ADAMTSL3: variants seen among roughly 807,000 people sequenced by gnomAD.
The protein encoded by ADAMTSL3 is ADAMTS-like protein 3.
ADAMTSL3 carries 128 observed loss-of-function variants against 201.7 expected under a neutral mutation model. The observed-to-expected ratio is 0.63, with a 90% confidence interval of 0.55 to 0.73. ADAMTSL3 has a LOEUF of 0.73. ADAMTSL3 is among the 30% of genes least tolerant of loss of function. The pLI, the probability that ADAMTSL3 is intolerant of heterozygous loss-of-function variation, is 0.00. For missense variants in ADAMTSL3, 1,990 were observed against 2,119.6 expected, an observed-to-expected ratio of 0.94 and a Z score of 1.20; for synonymous variants, 738 against 748.4, an observed-to-expected ratio of 0.99 and a Z score of 0.23.
At chr15:83,699,813 G>T (rs1281643529) in intron 2 of ADAMTSL3, among the ~76,000 whole-genome samples, 1 of 151,974 alleles carries the variant, frequency 6.6e-6, no homozygotes, top group East Asian at 1.9e-4. Flanking sequence ...TCCATAACTG[G>T]CTCCTCCTGT....
chr15:83,916,702 T>G (rs2066038894), intron 16 of ADAMTSL3, among the ~76,000 whole-genome samples: 1 of 152,010 alleles, frequency 6.6e-6, no homozygotes, highest in South Asian at 2.1e-4. Context: ...TTCCAGACCT[T>G]TGGGAGGCTG....
chr15:83,805,566 A>AAT (rs1555446304), intron 5 of ADAMTSL3, among the ~76,000 whole-genome samples: 1 of 151,740 alleles, frequency 6.6e-6, no homozygotes, highest in African/African-American at 2.4e-5. Context: ...CAAAAAAAAA[A>AAT]AAATAAATAA....
At chr15:83,718,210 G>A (rs1325804035) in intron 3 of ADAMTSL3, among the ~76,000 whole-genome samples, 2 of 152,110 alleles carry the variant, frequency 1.3e-5, no homozygotes, top group Non-Finnish European at 2.9e-5. Flanking sequence ...CCAGGTCATG[G>A]TCTCTCAACA....
intron 2 of ADAMTSL3, among the ~76,000 whole-genome samples, chr15:83,697,822 G>A (rs910544604): frequency 6.6e-6 from 1 of 152,056 alleles, no homozygotes; most frequent in Non-Finnish European, 1.5e-5. Context: ...TCAACTTTCA[G>A]CACCTCTCCC....
chr15:83,942,673 A>C lies in ADAMTSL3; in HGVS notation c.2195A>C (p.His732Pro). The change falls in exon 18 of 30, where the codon CAC becomes CCC. Residue 732 changes from histidine (H) to proline (P), a missense_variant. Transcript: ENST00000286744. The part of the protein sequence containing the change: ...GIQTRDVYCL[H>P]PGETPAPPEE... Reference sequence around the variant, plus strand: ...CAGACCCGAGATGTGTACTGCCTGCACCCAGGGGAGACCCCTGCCCCTCCT... The same window carrying C: ...CAGACCCGAGATGTGTACTGCCTGCCCCCAGGGGAGACCCCTGCCCCTCCT... 2 of 1,614,082 alleles carry C rather than the reference A, an allele frequency of 1.2e-6. No individual in the cohort carries two copies. Among genetic ancestry groups the C allele is most frequent in the Non-Finnish European group, 1.7e-6 (2 of 1,179,986 alleles).
chr15:83,665,289 C>T (rs779526249), intron 2 of ADAMTSL3, among the ~76,000 whole-genome samples: 3 of 152,056 alleles, frequency 2.0e-5, no homozygotes, highest in Non-Finnish European at 2.9e-5. Context: ...TGGAAATTCA[C>T]CCTGATCTTG....
At chr15:83,986,601 T>C (rs534955140) in intron 21 of ADAMTSL3, among the ~76,000 whole-genome samples, 85 of 152,258 alleles carry the variant, frequency 5.6e-4, no homozygotes, top group Non-Finnish European at 1.1e-3. Flanking sequence ...GTTCAATTTA[T>C]GTTTAATTCC....
chr15:83,842,677 C>T (rs571668518), intron 7 of ADAMTSL3, among the ~76,000 whole-genome samples: 4 of 152,214 alleles, frequency 2.6e-5, no homozygotes, highest in South Asian at 2.1e-4. Context: ...TGGAGGAAAA[C>T]GTTGAAAGTG....
intron 20 of ADAMTSL3, among the ~76,000 whole-genome samples, chr15:83,980,311 C>T (rs1016205053): frequency 6.6e-6 from 1 of 152,146 alleles, no homozygotes; most frequent in South Asian, 2.1e-4. Flanking sequence ...CCTCCAAGAC[C>T]CTATTCCAGT....
chr15:83,964,465 G>A (rs1041016554), intron 19 of ADAMTSL3, among the ~76,000 whole-genome samples: 13 of 151,886 alleles, frequency 8.6e-5, no homozygotes, highest in South Asian at 2.1e-4. Flanking sequence ...ATGAAGAGAA[G>A]ATTAGAGAAA....
Position 84,037,681 on chromosome 15 carries a change from A to G in ADAMTSL3, c.4970-19A>G. 1 of 1,581,488 alleles carries G rather than the reference A, an allele frequency of 6.3e-7. No homozygotes were observed. The highest frequency in any genetic ancestry group is 8.6e-7 in the Non-Finnish European group (1 of 1,168,498). On this transcript the variant is annotated intron_variant, in intron 29 of 29. Coordinates refer to ENST00000286744, the MANE Select transcript of ADAMTSL3 (RefSeq NM_207517.3). Reference sequence around the variant, plus strand: ...CTCTAATAAGCTATATGTTACAGATATTTGTTTCTTTTTTGCAGGAGACTG... The same window carrying G: ...CTCTAATAAGCTATATGTTACAGATGTTTGTTTCTTTTTTGCAGGAGACTG...
intron 4 of ADAMTSL3, 74 bp downstream of exon 4, chr15:83,773,724 C>T (rs927695217): frequency 1.2e-5 from 18 of 1,501,764 alleles, no homozygotes; most frequent in African/African-American, 4.2e-5. Context: ...GGAGAGATAA[C>T]TTTATATGGC....
In ADAMTSL3 at chr15:83,654,234, G is replaced by C. The variant is rs1162444432; in HGVS notation, c.-76G>C. 1.3e-5 allele frequency: 2 copies of C among 152,174 alleles called. No homozygotes were observed. The highest frequency in any genetic ancestry group is 3.9e-4 in the East Asian group (2 of 5,102). 9.4% of individuals were successfully genotyped at this position (152,174 alleles called of 1,614,324 possible). A position where few individuals can be genotyped will look rare whatever the true frequency, so the allele number is the denominator to read the frequency against. ...TCTCCCCAGCGCGCGCCGAGCCCGC[G>C]CGGCCCCGGGGCTGCACGTCCCAGA... On this transcript the variant is annotated 5_prime_UTR_variant, in exon 1 of 30. Transcript: ENST00000286744. The surrounding 1 kb of genome is among the most constrained non-coding windows in gnomAD (Gnocchi z 5.3).
intron 4 of ADAMTSL3, among the ~76,000 whole-genome samples, chr15:83,798,146 C>G (rs923444347): frequency 1.2e-4 from 18 of 152,084 alleles, no homozygotes; most frequent in Admixed American, 1.2e-3. Flanking sequence ...TCCATGTACT[C>G]AGTTACCTCT....
chr15:83,888,055 A>T (rs2065431640), intron 10 of ADAMTSL3, among the ~76,000 whole-genome samples: 1 of 152,162 alleles, frequency 6.6e-6, no homozygotes, highest in South Asian at 2.1e-4. Flanking sequence ...TTGGGAAGCA[A>T]ATAGGTGTTT....
intron 2 of ADAMTSL3, among the ~76,000 whole-genome samples, chr15:83,700,135 A>G (rs994805692): frequency 1.3e-5 from 2 of 152,236 alleles, no homozygotes; most frequent in African/African-American, 4.8e-5. Context: ...TCAACTGAAT[A>G]TAAGCATCAC....
chr15:83,852,679 TG>T (rs1299732307), intron 7 of ADAMTSL3, among the ~76,000 whole-genome samples: 2 of 152,360 alleles, frequency 1.3e-5, no homozygotes, highest in East Asian at 3.9e-4. Context: ...CTTACTGATT[TG>T]TAAACACTCT....
intron 16 of ADAMTSL3, 85 bp downstream of exon 16, chr15:83,913,463 C>G: frequency 7.3e-7 from 1 of 1,373,728 alleles, no homozygotes; most frequent in Non-Finnish European, 9.9e-7. Context: ...GCCAAATATG[C>G]AAATTAGCAA....
At chr15:83,763,371 G>T (rs1287248567) in intron 3 of ADAMTSL3, among the ~76,000 whole-genome samples, 2 of 151,288 alleles carry the variant, frequency 1.3e-5, no homozygotes, top group African/African-American at 2.4e-5. Context: ...ATGCTGTGAT[G>T]TGAATTTTAT....
Sources: gnomAD v4.1 joint callset for allele counts (sites outside exome capture counted in the v4.1 genomes callset) on GRCh38, gnomAD v4.1.1 for gene constraint, Gnocchi (gnomAD v3.1) non-coding constraint, MANE v1.5 for transcripts, NCBI Gene and HGNC (gene_info 2026-07-23, HGNC 2026-07-21) for gene names.